RNF216: variants seen among roughly 807,000 people sequenced by gnomAD.
The protein encoded by RNF216 is E3 ubiquitin-protein ligase RNF216.
In RNF216, 72 loss-of-function variants were observed where a neutral mutation model predicts 110.8. The ratio of observed to expected loss-of-function variants is 0.65; its 90% CI spans 0.54 to 0.79. The LOEUF (loss-of-function observed/expected upper bound fraction) is 0.79, where lower values mean the gene tolerates loss of function less well. RNF216 is among the 30% of genes least tolerant of loss of function. The probability of loss-of-function intolerance (pLI) is 0.00; values close to 1 mark genes in which losing one functional copy is unlikely to be tolerated. For missense variants in RNF216, 1,342 were observed against 1,141.2 expected (o/e 1.18, Z -2.54); for synonymous variants, 495 against 407.5 (o/e 1.21, Z -2.59).
chr7:5,653,137 T>A (rs1228079194), intron 13 of RNF216, among the ~76,000 whole-genome samples: 1 of 146,878 alleles, frequency 6.8e-6, no homozygotes, highest in Non-Finnish European at 1.6e-5. Flanking sequence ...TAAGGGAGAC[T>A]TTCCTCCGTT....
intron 13 of RNF216, among the ~76,000 whole-genome samples, chr7:5,654,218 G>A (rs1436766839): frequency 6.6e-6 from 1 of 152,192 alleles, no homozygotes; most frequent in Non-Finnish European, 1.5e-5. Flanking sequence ...AAGGGAGGAA[G>A]TAAGACTGGT....
chr7:5,704,117 A>G (rs1792137934), intron 13 of RNF216, among the ~76,000 whole-genome samples: 1 of 152,228 alleles, frequency 6.6e-6, no homozygotes, highest in African/African-American at 2.4e-5. Context: ...AATGAAACAA[A>G]GACTCTCTCC....
At chr7:5,705,286 T>C (rs1483566035) in intron 13 of RNF216, among the ~76,000 whole-genome samples, 1 of 152,134 alleles carries the variant, frequency 6.6e-6, no homozygotes, top group East Asian at 1.9e-4. Flanking sequence ...AAAAGTAATC[T>C]CTCCTGAATC....
chr7:5,666,774 T>C (rs1186659167), intron 13 of RNF216: 3 of 151,322 alleles, frequency 2.0e-5, no homozygotes, highest in Non-Finnish European at 4.4e-5. Context: ...AGATGCTCCA[T>C]ACAATACAGG....
At chr7:5,645,490 C>CT (rs1787996162) in intron 14 of RNF216, among the ~76,000 whole-genome samples, 1 of 152,158 alleles carries the variant, frequency 6.6e-6, no homozygotes, top group African/African-American at 2.4e-5. Context: ...TTCAAGATCT[C>CT]TGATTCTTCT....
intron 2 of RNF216, among the ~76,000 whole-genome samples, chr7:5,758,189 AAAATT>A (rs1248514415): frequency 3.9e-5 from 6 of 152,360 alleles, no homozygotes; most frequent in African/African-American, 1.2e-4. Context: ...AAACAACTAT[AAAATT>A]AATTGGATAT....
At chr7:5,777,941 C>T (rs756215364) in intron 1 of RNF216, among the ~76,000 whole-genome samples, 1 of 151,968 alleles carries the variant, frequency 6.6e-6, no homozygotes, top group Non-Finnish European at 1.5e-5. Flanking sequence ...TAAGTAAGTA[C>T]ATCCTCATGT....
chr7:5,718,785 G>T (rs1245703221), intron 9 of RNF216, among the ~76,000 whole-genome samples: 1 of 152,120 alleles, frequency 6.6e-6, no homozygotes, highest in Admixed American at 6.5e-5. Flanking sequence ...GATCTCAGGT[G>T]ATCTGCCCAC....
At chr7:5,650,692 T>C (rs796856718) in intron 14 of RNF216, among the ~76,000 whole-genome samples, 8 of 152,312 alleles carry the variant, frequency 5.3e-5, no homozygotes, top group African/African-American at 1.9e-4. Flanking sequence ...CAAGTCCTTC[T>C]CACGTTTGTT....
intron 7 of RNF216, 97 bp downstream of exon 7, chr7:5,729,335 A>C (rs1793946755): frequency 1.6e-6 from 2 of 1,228,106 alleles, no homozygotes; most frequent in Non-Finnish European, 2.3e-6. Flanking sequence ...AGCAATCATA[A>C]ACCATCCCAA....
intron 15 of RNF216, among the ~76,000 whole-genome samples, chr7:5,640,123 C>T (rs1401910950): frequency 6.6e-6 from 1 of 151,384 alleles, no homozygotes; most frequent in African/African-American, 2.4e-5. Flanking sequence ...GTCTTGAACT[C>T]CTCGGCTCCA....
chr7:5,734,147 T>A (rs1302381169), intron 5 of RNF216, among the ~76,000 whole-genome samples: 1 of 151,824 alleles, frequency 6.6e-6, no homozygotes, highest in Admixed American at 6.6e-5. Flanking sequence ...GCAAGTAGAG[T>A]TCAGGAGACA....
chr7:5,705,592 A>G (rs796606371), intron 13 of RNF216, among the ~76,000 whole-genome samples: 72 of 152,158 alleles, frequency 4.7e-4, no homozygotes, highest in African/African-American at 1.7e-3. Context: ...CAGAGGGAAA[A>G]AATGAACCAT....
intron 13 of RNF216, among the ~76,000 whole-genome samples, chr7:5,667,246 T>C (rs1314117378): frequency 1.3e-5 from 2 of 152,360 alleles, no homozygotes; most frequent in East Asian, 1.9e-4. Context: ...TATAAAACTG[T>C]TTCTGTTCCA....
chr7:5,623,465 C>CTTT (rs34566454), intron 16 of RNF216, among the ~76,000 whole-genome samples: 2 of 142,178 alleles, frequency 1.4e-5, no homozygotes, highest in African/African-American at 5.2e-5. Flanking sequence ...GACTCAGTTA[C>CTTT]TTTTTTTTTT....
chr7:5,673,869 T>TC (rs1162042929), intron 13 of RNF216, among the ~76,000 whole-genome samples: 3 of 149,386 alleles, frequency 2.0e-5, no homozygotes, highest in Non-Finnish European at 4.5e-5. Flanking sequence ...ATTTTTTTTT[T>TC]TTTTTTTTTG....
At chr7:5,675,414 G>T (rs1180728265) in intron 13 of RNF216, among the ~76,000 whole-genome samples, 2 of 152,148 alleles carry the variant, frequency 1.3e-5, no homozygotes, top group Non-Finnish European at 2.9e-5. Context: ...GAGGCAGGAA[G>T]ATCACTTGAG....
At chr7:5,708,923 T>C (rs1225075799) in intron 13 of RNF216, among the ~76,000 whole-genome samples, 1 of 152,216 alleles carries the variant, frequency 6.6e-6, no homozygotes, top group Non-Finnish European at 1.5e-5. Flanking sequence ...GGACTCTGCC[T>C]ACTGTACCGT....
At chr7:5,675,444 C>G (rs1197285708) in intron 13 of RNF216, among the ~76,000 whole-genome samples, 4 of 151,954 alleles carry the variant, frequency 2.6e-5, no homozygotes, top group Non-Finnish European at 5.9e-5. Flanking sequence ...TTGAGACAAG[C>G]CTGGACAACA....
Sources: gnomAD v4.1 joint callset for allele counts (sites outside exome capture counted in the v4.1 genomes callset) on GRCh38, gnomAD v4.1.1 for gene constraint, MANE v1.5 for transcripts, NCBI Gene and HGNC (gene_info 2026-07-23, HGNC 2026-07-21) for gene names.